The following TMEM232 variants were observed in gnomAD, a reference collection of about 807,000 sequenced individuals.
The protein encoded by TMEM232 is transmembrane protein 232.
A neutral mutation model predicts 78.8 loss-of-function variants in TMEM232; 80 were observed. That is an observed-to-expected ratio of 1.01 (90% CI 0.85 to 1.22). The LOEUF (loss-of-function observed/expected upper bound fraction) is 1.22, where lower values mean the gene tolerates loss of function less well. Among genes scored for constraint, TMEM232 ranks in the 50% most tolerant of loss-of-function variants. TMEM232 has a pLI of 0.00. For missense variants in TMEM232, 881 were observed against 742.2 expected (o/e 1.19, Z -2.17); for synonymous variants, 297 against 254.3 (o/e 1.17, Z -1.60).
intron 1 of TMEM232, among the ~76,000 whole-genome samples, chr5:110,684,428 G>C (rs1380573259): frequency 6.6e-6 from 1 of 151,998 alleles, no homozygotes; most frequent in Non-Finnish European, 1.5e-5. Context: ...TTTGGCTCCT[G>C]TCTCTAAAAG....
chr5:110,469,162 G>C (rs1464770103), intron 12 of TMEM232, among the ~76,000 whole-genome samples: 5 of 152,148 alleles, frequency 3.3e-5, no homozygotes, highest in African/African-American at 1.2e-4. Context: ...TTCCCCCATA[G>C]AAACAAACAG....
intron 2 of TMEM232, among the ~76,000 whole-genome samples, chr5:110,651,469 A>T (rs1349541517): frequency 2.0e-5 from 3 of 150,160 alleles, no homozygotes; most frequent in Non-Finnish European, 4.4e-5. Context: ...AAAGGGAAAG[A>T]GGGAAGGAGG....
chr5:110,665,793 G>A (rs896741445), intron 2 of TMEM232, among the ~76,000 whole-genome samples: 1 of 150,040 alleles, frequency 6.7e-6, no homozygotes. Context: ...AGTGGCTCAT[G>A]CCTGTAATTC....
At chr5:110,466,984 A>G (rs1364838467) in intron 12 of TMEM232, among the ~76,000 whole-genome samples, 1 of 151,932 alleles carries the variant, frequency 6.6e-6, no homozygotes, top group Non-Finnish European at 1.5e-5. Context: ...TATTACAATG[A>G]TTATCATTAT....
intron 1 of TMEM232, chr5:110,720,569 A>G (rs1045582472): frequency 2.0e-5 from 3 of 152,122 alleles, no homozygotes; most frequent in African/African-American, 7.2e-5. Context: ...TCATGACTCA[A>G]GTGGAAATCT....
Position 110,693,083 on chromosome 5 carries a change from C to G in TMEM232, c.-12-25719G>C, listed in dbSNP as rs566358236. Among the ~76,000 whole-genome samples the G allele has an allele frequency of 5.9e-5, 9 of 152,262 alleles. No individual in the cohort carries two copies. The East Asian group carries it at 1.7e-3, about 29-fold the overall frequency. ...AGGGGCGGTCTGACACCTCACATGG[C>G]CGGGTACTCCTCTGAGACAAAACAA... On this transcript the variant is annotated intron_variant, in intron 1 of 13. Transcript: ENST00000455884.
intron 12 of TMEM232, among the ~76,000 whole-genome samples, chr5:110,451,883 G>T (rs886847281): frequency 2.0e-5 from 3 of 151,882 alleles, no homozygotes; most frequent in East Asian, 1.9e-4. Flanking sequence ...AATACAAGAA[G>T]AAATATAACT....
chr5:110,514,522 G>C (rs1012754706), intron 12 of TMEM232, among the ~76,000 whole-genome samples: 3 of 151,956 alleles, frequency 2.0e-5, no homozygotes, highest in Non-Finnish European at 4.4e-5. Context: ...TCAGGACAAA[G>C]CTTAGAGCAA....
At chr5:110,452,218 C>CAGAT (rs1246955941) in intron 12 of TMEM232, among the ~76,000 whole-genome samples, 5 of 152,012 alleles carry the variant, frequency 3.3e-5, no homozygotes, top group South Asian at 4.1e-4. Context: ...TTATAGTAAA[C>CAGAT]AGATAATAAA....
chr5:110,624,907 A>G (rs1271877381), intron 7 of TMEM232, among the ~76,000 whole-genome samples: 1 of 152,122 alleles, frequency 6.6e-6, no homozygotes, highest in Non-Finnish European at 1.5e-5. Flanking sequence ...AAGAAAAACA[A>G]ATTTTCTATT....
intron 1 of TMEM232, among the ~76,000 whole-genome samples, chr5:110,696,789 G>C (rs1024982594): frequency 1.3e-4 from 2 of 14,828 alleles, no homozygotes; most frequent in African/African-American, 1.6e-4. Flanking sequence ...ACTGCTCAAT[G>C]AAATAAGAGG....
chr5:110,542,069 G>T (rs986212531), intron 11 of TMEM232, among the ~76,000 whole-genome samples: 1 of 152,130 alleles, frequency 6.6e-6, no homozygotes, highest in Admixed American at 6.6e-5. Flanking sequence ...TCATGTCTGC[G>T]ATACCTGAAG....
upstream of TMEM232, chr5:110,738,894 G>A: frequency 8.5e-7 from 1 of 1,176,980 alleles, no homozygotes; most frequent in African/African-American, 1.6e-5. Context: ...AACTTTTAAG[G>A]TCCAGGTTAC....
chr5:110,492,304 C>G (rs777250640), intron 12 of TMEM232, among the ~76,000 whole-genome samples: 10 of 151,492 alleles, frequency 6.6e-5, no homozygotes, highest in Non-Finnish European at 1.2e-4. Flanking sequence ...CACATAAATG[C>G]AAAATGTAAC....
chr5:110,629,175 T>C (rs1030262150), intron 5 of TMEM232, among the ~76,000 whole-genome samples: 2 of 151,916 alleles, frequency 1.3e-5, no homozygotes, highest in African/African-American at 2.4e-5. Context: ...ATATAGACAA[T>C]GAGTGAATAA....
At chr5:110,537,293 T>TATATA (rs1419509514) in intron 11 of TMEM232, among the ~76,000 whole-genome samples, 15 of 123,988 alleles carry the variant, frequency 1.2e-4, no homozygotes, top group Non-Finnish European at 1.6e-4. Context: ...ATATATATAT[T>TATATA]TTTTTTTTTC....
intron 11 of TMEM232, among the ~76,000 whole-genome samples, chr5:110,533,911 TC>T (rs1040383301): frequency 1.3e-5 from 2 of 152,008 alleles, no homozygotes; most frequent in African/African-American, 4.8e-5. Context: ...ACCTCTCAGT[TC>T]CTTTCCATCG....
intron 10 of TMEM232, among the ~76,000 whole-genome samples, chr5:110,601,302 G>C (rs1175002200): frequency 6.6e-6 from 1 of 152,000 alleles, no homozygotes; most frequent in African/African-American, 2.4e-5. Context: ...TTCTGGCCAG[G>C]GAAATCAGGC....
chr5:110,410,173 C>T (rs371836519), intron 2 of TMEM232, among the ~76,000 whole-genome samples: 11 of 150,494 alleles, frequency 7.3e-5, no homozygotes, highest in African/African-American at 2.5e-4. Flanking sequence ...CAAGTTCCAG[C>T]ATGGAACTCT....
Sources: gnomAD v4.1 joint callset for allele counts (sites outside exome capture counted in the v4.1 genomes callset) on GRCh38, gnomAD v4.1.1 for gene constraint, MANE v1.5 for transcripts, NCBI Gene and HGNC (gene_info 2026-07-23, HGNC 2026-07-21) for gene names.